CYYR1: variants seen among roughly 807,000 people sequenced by gnomAD.
CYYR1 encodes the protein cysteine and tyrosine-rich protein 1.
In CYYR1, 14 loss-of-function variants were observed where a neutral mutation model predicts 15.2. The observed-to-expected ratio is 0.92, with a 90% CI of 0.61 to 1.44. The LOEUF (loss-of-function observed/expected upper bound fraction) is 1.44. CYYR1 is among the 40% of genes most tolerant of loss of function. CYYR1 has a pLI of 0.00. For missense variants in CYYR1, 228 were observed against 209.5 expected (o/e 1.09, Z -0.54); for synonymous variants, 80 against 77.4 (o/e 1.03, Z -0.18).
At chr21:26,559,984 T>G (rs1210600875) in intron 2 of CYYR1, among the ~76,000 whole-genome samples, 1 of 152,206 alleles carries the variant, frequency 6.6e-6, no homozygotes. Context: ...AAAATGTTCT[T>G]GTGGATTTTG....
chr21:26,500,829 G>C (rs2065471991), intron 2 of CYYR1, among the ~76,000 whole-genome samples: 1 of 152,152 alleles, frequency 6.6e-6, no homozygotes, highest in African/African-American at 2.4e-5. Flanking sequence ...TCTTAGATTA[G>C]ACATTTAAAA....
chr21:26,510,666 A>G (rs184881639), intron 2 of CYYR1, among the ~76,000 whole-genome samples: 1 of 152,318 alleles, frequency 6.6e-6, no homozygotes, highest in Non-Finnish European at 1.5e-5. Flanking sequence ...ATTAGAATGT[A>G]TTTAAGGATA....
At chr21:26,533,857 A>C (rs1276748703) in intron 2 of CYYR1, among the ~76,000 whole-genome samples, 1 of 152,144 alleles carries the variant, frequency 6.6e-6, no homozygotes, top group African/African-American at 2.4e-5. Flanking sequence ...AATTTACATA[A>C]AAACCCACCA....
chr21:26,528,007 T>C (rs1191209941), intron 2 of CYYR1, among the ~76,000 whole-genome samples: 1 of 152,078 alleles, frequency 6.6e-6, no homozygotes, highest in Non-Finnish European at 1.5e-5. Flanking sequence ...TCAGCAACAC[T>C]TAAAACGAGT....
At chr21:26,523,240 A>C (rs2065823827) in intron 2 of CYYR1, among the ~76,000 whole-genome samples, 1 of 152,092 alleles carries the variant, frequency 6.6e-6, no homozygotes, top group African/African-American at 2.4e-5. Context: ...ATTACTATTG[A>C]TGCTACCTCT....
chr21:26,492,868 G>A (rs1057512210), intron 2 of CYYR1, among the ~76,000 whole-genome samples: 13 of 152,138 alleles, frequency 8.5e-5, no homozygotes, highest in Admixed American at 8.5e-4. Context: ...CGCAAATGGG[G>A]AAGTGCAAAC....
chr21:26,514,041 T>G (rs2065687513), intron 2 of CYYR1, among the ~76,000 whole-genome samples: 2 of 144,790 alleles, frequency 1.4e-5, no homozygotes, highest in African/African-American at 5.3e-5. Context: ...TGTGCACATG[T>G]ACCCTAAAAC....
At chr21:26,572,798 C>T in intron 1 of CYYR1, 70 bp downstream of exon 1, 3 of 1,580,008 alleles carry the variant, frequency 1.9e-6, no homozygotes, top group Non-Finnish European at 2.6e-6. Flanking sequence ...GCTCAACCCA[C>T]GTTAGCCCGG....
intron 2 of CYYR1, among the ~76,000 whole-genome samples, chr21:26,517,939 C>T (rs560709232): frequency 6.6e-6 from 1 of 152,292 alleles, no homozygotes; most frequent in South Asian, 2.1e-4. Context: ...GGGACCTCAG[C>T]ACTTGTCTGT....
intron 2 of CYYR1, among the ~76,000 whole-genome samples, chr21:26,525,688 A>G (rs978126100): frequency 3.3e-5 from 5 of 152,228 alleles, no homozygotes; most frequent in Non-Finnish European, 5.9e-5. Flanking sequence ...TTCTGAAAGG[A>G]TCCACTTATT....
intron 2 of CYYR1, among the ~76,000 whole-genome samples, chr21:26,507,706 A>G (rs1331766270): frequency 6.6e-6 from 1 of 152,224 alleles, no homozygotes; most frequent in Non-Finnish European, 1.5e-5. Context: ...ATATTAAAAT[A>G]CTGTTTTATT....
chr21:26,530,339 C>A (rs2065915913), intron 2 of CYYR1, among the ~76,000 whole-genome samples: 1 of 151,886 alleles, frequency 6.6e-6, no homozygotes, highest in South Asian at 2.1e-4. Flanking sequence ...CTATAAAAAT[C>A]ATTTTTGTCT....
At chr21:26,559,806 G>T (rs1024438919) in intron 2 of CYYR1, among the ~76,000 whole-genome samples, 2 of 152,062 alleles carry the variant, frequency 1.3e-5, no homozygotes, top group African/African-American at 4.8e-5. Flanking sequence ...AATTCTTTTG[G>T]TTTATCCATT....
chr21:26,502,003 A>G (rs749312512), intron 2 of CYYR1, among the ~76,000 whole-genome samples: 1 of 152,208 alleles, frequency 6.6e-6, no homozygotes, highest in Non-Finnish European at 1.5e-5. Flanking sequence ...ATCTGAGTAG[A>G]AAAATAAAAG....
chr21:26,492,111 C>T (rs916463059), intron 2 of CYYR1, among the ~76,000 whole-genome samples: 13 of 152,264 alleles, frequency 8.5e-5, no homozygotes, highest in African/African-American at 2.6e-4. Flanking sequence ...TAGCTTCGTG[C>T]GCATTAAAAT....
rs373465098 is a variant in CYYR1 at position 26,503,244 on chromosome 21, G to A, written c.177-22815C>T. Among the ~76,000 whole-genome samples, 16 of 152,100 alleles carry A rather than the reference G, an allele frequency of 1.1e-4. No individual in the cohort carries two copies. In the East Asian group the frequency reaches 2.9e-3, roughly 27 times the overall value. On this transcript the variant is annotated intron_variant, in intron 2 of 3. Transcript: ENST00000652641. ...TAATTTGGAACCTGTTCCTGAGTGCGGGACATACTTGCAAATATTTAAATG... is the reference window on the plus strand; with the variant it reads ...TAATTTGGAACCTGTTCCTGAGTGCAGGACATACTTGCAAATATTTAAATG...
intron 2 of CYYR1, among the ~76,000 whole-genome samples, chr21:26,543,325 G>A (rs1046999030): frequency 6.6e-6 from 1 of 151,916 alleles, no homozygotes; most frequent in Non-Finnish European, 1.5e-5. Context: ...ATGTACCCCA[G>A]AACTTAAAAT....
chr21:26,531,918 C>T (rs1477054107), intron 2 of CYYR1, among the ~76,000 whole-genome samples: 2 of 152,120 alleles, frequency 1.3e-5, no homozygotes, highest in Non-Finnish European at 2.9e-5. Context: ...GCCATACATA[C>T]TGTTGCCAAT....
Position 26,547,524 on chromosome 21 carries a change from C to T in CYYR1, c.176+18742G>A, listed in dbSNP as rs184645760. Among the ~76,000 whole-genome samples, 3 of 152,292 alleles carry T rather than the reference C, an allele frequency of 2.0e-5. No homozygotes were observed. The East Asian group carries it at 5.8e-4, about 29-fold the overall frequency. On this transcript the variant is annotated intron_variant, in intron 2 of 3. Transcript: ENST00000652641. ...TTTGCTATCCCCCTAAGATCATCCA[C>T]ACTTCCCCATCTCCCTTTACCCTGA...
Sources: gnomAD v4.1 joint callset for allele counts (sites outside exome capture counted in the v4.1 genomes callset) on GRCh38, gnomAD v4.1.1 for gene constraint, MANE v1.5 for transcripts, NCBI Gene and HGNC (gene_info 2026-07-23, HGNC 2026-07-21) for gene names.